DACH2: variants seen among roughly 807,000 people sequenced by gnomAD.
The protein encoded by DACH2 is dachshund homolog 2.
In DACH2, 17 loss-of-function variants were observed where a neutral mutation model predicts 35.8. The observed-to-expected ratio is 0.48, with a 90% confidence interval of 0.33 to 0.71. DACH2 has a LOEUF of 0.71. DACH2 is among the 30% of genes least tolerant of loss of function. DACH2 has a pLI of 0.02. For missense variants in DACH2, 469 were observed against 472.7 expected (o/e 0.99, Z 0.07); for synonymous variants, 195 against 177.3 (o/e 1.10, Z -0.79).
chrX:86,231,316 G>A (rs994144112), intron 1 of DACH2, among the ~76,000 whole-genome samples: 2 of 112,406 alleles, frequency 1.8e-5, no homozygotes, highest in Admixed American at 1.9e-4. Context: ...GGGACTGTCA[G>A]TGGGCAGAGC....
At chrX:86,323,738 C>G (rs144273367) in intron 1 of DACH2, among the ~76,000 whole-genome samples, 1 of 110,985 alleles carries the variant, frequency 9.0e-6, no homozygotes, top group East Asian at 2.9e-4. Context: ...CCCTGCACAA[C>G]GGCAAAGTTC....
chrX:86,674,004 T>C (rs138177033), intron 4 of DACH2, among the ~76,000 whole-genome samples: 112 of 112,050 alleles, frequency 1.0e-3, no homozygotes, highest in African/African-American at 3.5e-3. Context: ...TTAAACCTCT[T>C]TTCTATGTAA....
At chrX:86,575,967 G>C (rs747548542) in intron 3 of DACH2, among the ~76,000 whole-genome samples, 145 of 112,164 alleles carry the variant, frequency 1.3e-3, no homozygotes, top group Non-Finnish European at 2.3e-3. Context: ...TGCATGTGCA[G>C]ATGCACAGTG....
At chrX:86,588,303 G>A (rs1161033178) in intron 3 of DACH2, among the ~76,000 whole-genome samples, 1 of 110,832 alleles carries the variant, frequency 9.0e-6, no homozygotes, top group African/African-American at 3.3e-5. Context: ...ATAACATGAT[G>A]CCTTTGGCTT....
chrX:86,197,511 A>C (rs1169910017), intron 1 of DACH2, among the ~76,000 whole-genome samples: 5 of 111,545 alleles, frequency 4.5e-5, no homozygotes, highest in African/African-American at 1.6e-4. Context: ...GTCTTCAAGA[A>C]ACCCATCTTG....
intron 1 of DACH2, among the ~76,000 whole-genome samples, chrX:86,355,791 G>C (rs1004479730): frequency 1.8e-5 from 2 of 111,746 alleles, no homozygotes; most frequent in Non-Finnish European, 3.8e-5. Context: ...GTGATGTTAA[G>C]TATTTTTTCA....
intron 1 of DACH2, among the ~76,000 whole-genome samples, chrX:86,238,328 G>A (rs1264624311): frequency 2.7e-5 from 3 of 111,513 alleles, no homozygotes; most frequent in Non-Finnish European, 5.6e-5. Flanking sequence ...TCTTGATTTT[G>A]TTTTGTGCTA....
At chrX:86,589,125 G>T (rs1010681080) in intron 3 of DACH2, among the ~76,000 whole-genome samples, 4 of 111,486 alleles carry the variant, frequency 3.6e-5, no homozygotes, top group Non-Finnish European at 7.6e-5. Context: ...TGATCGTATG[G>T]TTTTTGTCTT....
chrX:86,328,586 AC>A (rs2035157256), intron 1 of DACH2, among the ~76,000 whole-genome samples: 1 of 111,765 alleles, frequency 8.9e-6, no homozygotes, highest in Non-Finnish European at 1.9e-5. Flanking sequence ...GGAAAAAGCA[AC>A]AAAAAAAGAA....
chrX:86,550,929 T>A, intron 3 of DACH2, among the ~76,000 whole-genome samples: 1 of 111,231 alleles, frequency 9.0e-6, no homozygotes. Flanking sequence ...AAGTGAAGGG[T>A]GCAAAGGGGG....
At chrX:86,584,450 A>G (rs1277474089) in intron 3 of DACH2, among the ~76,000 whole-genome samples, 2 of 110,073 alleles carry the variant, frequency 1.8e-5, no homozygotes, top group Admixed American at 9.8e-5. Context: ...TGTTGTTTTT[A>G]TATGTTCTGC....
intron 2 of DACH2, among the ~76,000 whole-genome samples, chrX:86,401,473 C>T (rs374453710): frequency 4.6e-4 from 52 of 112,060 alleles, no homozygotes; most frequent in Admixed American, 6.6e-4. Context: ...GTGTCGCTCA[C>T]GCTGGGAGCT....
chrX:86,232,680 C>G (rs191572379), intron 1 of DACH2, among the ~76,000 whole-genome samples: 134 of 111,630 alleles, frequency 1.2e-3, no homozygotes, highest in Non-Finnish European at 2.0e-3. Context: ...AAAAAGTAAA[C>G]AAACAAACAA....
chrX:86,596,415 C>T (rs1006305795), intron 3 of DACH2, among the ~76,000 whole-genome samples: 2 of 110,831 alleles, frequency 1.8e-5, no homozygotes, highest in African/African-American at 6.5e-5. Context: ...CATTATGACC[C>T]CCACTGTGCA....
At chrX:86,360,200 TG>T (rs1390030847) in intron 1 of DACH2, among the ~76,000 whole-genome samples, 5 of 111,595 alleles carry the variant, frequency 4.5e-5, no homozygotes, top group Non-Finnish European at 9.4e-5. Context: ...TACATCTATA[TG>T]TTTTTTTCTT....
intron 7 of DACH2, among the ~76,000 whole-genome samples, chrX:86,765,911 G>T (rs145981181): frequency 9.2e-6 from 1 of 108,391 alleles, no homozygotes; most frequent in Non-Finnish European, 1.9e-5. Context: ...CTACTTATTT[G>T]GATTGTCTTT....
chrX:86,531,101 T>C (rs964184916), intron 3 of DACH2, among the ~76,000 whole-genome samples: 2 of 111,862 alleles, frequency 1.8e-5, no homozygotes, highest in Non-Finnish European at 3.8e-5. Context: ...TTTCTAAAAG[T>C]GTATGCTCAT....
chrX:86,705,029 T>TATATATATATATATCTCTCAC (rs1569470554), intron 5 of DACH2, among the ~76,000 whole-genome samples: 5 of 83,689 alleles, frequency 6.0e-5, no homozygotes, highest in Non-Finnish European at 8.7e-5. Flanking sequence ...CAGAAATTGT[T>TATATATATATATATCTCTCAC]ATATATATAT....
intron 2 of DACH2, among the ~76,000 whole-genome samples, chrX:86,437,338 T>G (rs1221353898): frequency 2.7e-5 from 3 of 111,629 alleles, no homozygotes; most frequent in Non-Finnish European, 3.8e-5. Context: ...ATACAATACA[T>G]TGTTGCTAAC....
Sources: allele counts gnomAD v4.1 joint callset (sites outside exome capture counted in the v4.1 genomes callset), GRCh38; gene constraint gnomAD v4.1.1; transcripts MANE v1.5; gene names NCBI Gene and HGNC (gene_info 2026-07-23, HGNC 2026-07-21).